EXT1: variants seen among roughly 807,000 people sequenced by gnomAD.
EXT1 encodes the protein exostosin glycosyltransferase 1, also known as exostosin-1.
Under a neutral mutation model 82.5 loss-of-function variants are expected in EXT1, and 20 were observed. The observed-to-expected ratio is 0.24, with a 90% confidence interval of 0.17 to 0.35. The LOEUF is 0.35. EXT1 is among the 10% of genes least tolerant of loss of function. The pLI, the probability that EXT1 is intolerant of heterozygous loss-of-function variation, is 1.00. For missense variants in EXT1, 757 were observed against 936.5 expected (o/e 0.81, Z 2.50); for synonymous variants, 348 against 350.8 (o/e 0.99, Z 0.09).
chr8:118,093,826 T>C lies in EXT1; in HGVS notation c.962+16259A>G, dbSNP rs529875132. On this transcript the variant is annotated intron_variant, in intron 1 of 10. Transcript: ENST00000378204. The stretch of plus-strand genomic sequence containing the variant: ...CCTGTTATAAGTTTATCCTCAAGGA[T>C]AGGCATACACTGTTTAAACTTAACA... Among the ~76,000 whole-genome samples, 26 of 152,382 alleles carry C rather than the reference T, an allele frequency of 1.7e-4. 1 individual carries two copies. The South Asian group carries it at 5.4e-3, about 32-fold the overall frequency.
chr8:118,048,869 G>A lies in EXT1; in HGVS notation c.962+61216C>T, dbSNP rs549389973. On this transcript the variant is annotated intron_variant, in intron 1 of 10. Coordinates refer to ENST00000378204, the MANE Select transcript of EXT1 (RefSeq NM_000127.3). Reference sequence around the variant, plus strand: ...AATCCCTTCTGAACAAGGATCCAAGGAATGAATATTATCTATCCAATGGCA... The same window carrying A: ...AATCCCTTCTGAACAAGGATCCAAGAAATGAATATTATCTATCCAATGGCA... 5.0e-4 allele frequency among the ~76,000 whole-genome samples: 76 copies of A among 152,250 alleles called. No homozygotes were observed. In the South Asian group the frequency reaches 0.015, roughly 31 times the overall value.
chr8:118,004,017 G>A (rs150549820), intron 1 of EXT1, among the ~76,000 whole-genome samples: 1 of 152,156 alleles, frequency 6.6e-6, no homozygotes, highest in African/African-American at 2.4e-5. Flanking sequence ...GAAACAGTTT[G>A]AAGAGATTCT....
At chr8:118,093,064 A>AT (rs1817550017) in intron 1 of EXT1, among the ~76,000 whole-genome samples, 1 of 152,120 alleles carries the variant, frequency 6.6e-6, no homozygotes, top group African/African-American at 2.4e-5. Context: ...GCAATATGGT[A>AT]TTTTTATCGT....
Position 117,893,160 on chromosome 8 carries a change from T to C in EXT1, c.963-55959A>G, listed in dbSNP as rs150935227. On this transcript the variant is annotated intron_variant, in intron 1 of 10. Transcript: ENST00000378204. ...TGATGGATGAATAATCTTCCATTCA[T>C]ACTCTTCTTTTTCTTTCCTTGAACT... is the stretch of plus-strand genomic sequence containing the variant. Among the ~76,000 whole-genome samples, 11 of 152,396 alleles carry C rather than the reference T, an allele frequency of 7.2e-5. No individual in the cohort carries two copies. In the East Asian group the frequency reaches 1.5e-3, roughly 21 times the overall value.
chr8:118,077,146 C>G (rs1314782360), intron 1 of EXT1, among the ~76,000 whole-genome samples: 1 of 152,186 alleles, frequency 6.6e-6, no homozygotes, highest in Admixed American at 6.5e-5. Context: ...AGACACAGTC[C>G]TTTCAAGGTA....
chr8:118,100,980 T>G (rs1457456557), intron 1 of EXT1, among the ~76,000 whole-genome samples: 2 of 152,128 alleles, frequency 1.3e-5, no homozygotes, highest in African/African-American at 2.4e-5. Flanking sequence ...CCTGAGGACT[T>G]AAGTATCAAA....
intron 10 of EXT1, among the ~76,000 whole-genome samples, chr8:117,803,909 G>A (rs994957453): frequency 3.3e-5 from 5 of 152,266 alleles, no homozygotes; most frequent in Admixed American, 3.3e-4. Context: ...TGACTTGCCT[G>A]TATTTTAAAT....
intron 10 of EXT1, among the ~76,000 whole-genome samples, chr8:117,800,396 G>A (rs58783789): frequency 0.085 from 12,916 of 152,062 alleles, 635 homozygotes; most frequent in East Asian, 0.16. Context: ...ACCTTTATAA[G>A]GGTCCTACTA....
intron 1 of EXT1, among the ~76,000 whole-genome samples, chr8:117,866,297 T>C (rs969169481): frequency 6.6e-6 from 1 of 152,204 alleles, no homozygotes; most frequent in Non-Finnish European, 1.5e-5. Context: ...AATTTTCAAT[T>C]AAGCAGAGAC....
At chr8:118,093,321 C>T (rs1459482396) in intron 1 of EXT1, among the ~76,000 whole-genome samples, 1 of 137,716 alleles carries the variant, frequency 7.3e-6, no homozygotes, top group African/African-American at 2.7e-5. Flanking sequence ...GTTCCACATA[C>T]AAATACAGGC....
chr8:117,925,525 C>G (rs3101576), intron 1 of EXT1, among the ~76,000 whole-genome samples: 1 of 151,704 alleles, frequency 6.6e-6, no homozygotes, highest in Non-Finnish European at 1.5e-5. Context: ...GTTATGGAAG[C>G]CATATGACCC....
intron 1 of EXT1, among the ~76,000 whole-genome samples, chr8:117,944,448 G>T (rs879817926): frequency 2.0e-5 from 3 of 152,132 alleles, no homozygotes; most frequent in Admixed American, 2.0e-4. Context: ...AGCATATATT[G>T]TCTCAGTGCT....
chr8:117,944,185 T>G (rs1814341065), intron 1 of EXT1, among the ~76,000 whole-genome samples: 1 of 152,072 alleles, frequency 6.6e-6, no homozygotes, highest in Non-Finnish European at 1.5e-5. Context: ...GCAGATCACT[T>G]GAAGTCAGGA....
At chr8:117,935,733 T>C (rs1387441542) in intron 1 of EXT1, among the ~76,000 whole-genome samples, 1 of 152,144 alleles carries the variant, frequency 6.6e-6, no homozygotes, top group East Asian at 1.9e-4. Context: ...AATGCAAATA[T>C]GTATTTCTGT....
At chr8:117,861,488 CTTTTTTT>C (rs755653091) in intron 1 of EXT1, among the ~76,000 whole-genome samples, 17 of 86,850 alleles carry the variant, frequency 2.0e-4, no homozygotes, top group South Asian at 9.9e-4. Context: ...AAGTTTTTAT[CTTTTTTT>C]TTTTTTTTTT....
At chr8:117,816,515 T>C (rs1442526403) in intron 7 of EXT1, among the ~76,000 whole-genome samples, 1 of 152,020 alleles carries the variant, frequency 6.6e-6, no homozygotes, top group East Asian at 1.9e-4. Flanking sequence ...GGAAAAGACA[T>C]AGGAAGAACC....
At chr8:117,815,834 G>A (rs571115784) in intron 7 of EXT1, among the ~76,000 whole-genome samples, 25 of 152,004 alleles carry the variant, frequency 1.6e-4, no homozygotes, top group African/African-American at 5.5e-4. Flanking sequence ...GGAGGCTGAG[G>A]CAGGAGAATC....
At chr8:118,000,376 G>A (rs1046246410) in intron 1 of EXT1, among the ~76,000 whole-genome samples, 2 of 152,006 alleles carry the variant, frequency 1.3e-5, no homozygotes, top group Non-Finnish European at 2.9e-5. Context: ...TAGCATCATG[G>A]GCATGTCTCA....
At chr8:117,901,456 G>C (rs1284392548) in intron 1 of EXT1, among the ~76,000 whole-genome samples, 1 of 152,148 alleles carries the variant, frequency 6.6e-6, no homozygotes, top group African/African-American at 2.4e-5. Flanking sequence ...CTCTGGGTGA[G>C]TGAGTGCTGA....
Sources: allele counts gnomAD v4.1 joint callset (sites outside exome capture counted in the v4.1 genomes callset), GRCh38; gene constraint gnomAD v4.1.1; transcripts MANE v1.5; gene names NCBI Gene and HGNC (gene_info 2026-07-23, HGNC 2026-07-21).